The following FAM117A variants were observed in gnomAD, a reference collection of about 807,000 sequenced individuals.
The protein encoded by FAM117A is family with sequence similarity 117 member A, also known as protein FAM117A.
A neutral mutation model predicts 44.1 loss-of-function variants in FAM117A; 21 were observed. The ratio of observed to expected loss-of-function variants is 0.48; its 90% CI spans 0.34 to 0.69. FAM117A has a LOEUF of 0.69. Among genes scored for constraint, FAM117A ranks in the 30% least tolerant of loss-of-function variants. The pLI is 0.01. For synonymous variants in FAM117A, 220 were observed against 238.3 expected (o/e 0.92, Z 0.71); for missense variants, 498 against 589.9 (o/e 0.84, Z 1.61).
upstream of FAM117A, among the ~76,000 whole-genome samples, chr17:49,766,659 A>G (rs1341136348): frequency 6.6e-6 from 1 of 152,186 alleles, no homozygotes; most frequent in Non-Finnish European, 1.5e-5. Context: ...TAAATTCTCA[A>G]TCTTAGGAGA....
Position 49,781,472 on chromosome 17 carries a change from A to G in FAM117A, c.-621+7025T>C, listed in dbSNP as rs1042121028. Among the ~76,000 whole-genome samples, 37 of 152,346 alleles carry G rather than the reference A, an allele frequency of 2.4e-4. 1 individual carries two copies. The highest frequency in any genetic ancestry group is 7.7e-4 in the East Asian group (4 of 5,188). ...TTTAAGGAAAGGAAAGAAGCAATAT[A>G]TAAGTGGCAGAAATAAAAACAGGAG... On this transcript the variant is annotated intron_variant, in intron 1 of 7. Transcript: ENST00000513602.
intron 1 of FAM117A, among the ~76,000 whole-genome samples, chr17:49,757,654 G>A (rs553978281): frequency 6.6e-6 from 1 of 152,166 alleles, no homozygotes; most frequent in East Asian, 1.9e-4. Context: ...AGAAAATGGG[G>A]GCACAGATAA....
intron 2 of FAM117A, among the ~76,000 whole-genome samples, chr17:49,726,364 C>T (rs1442479450): frequency 6.6e-6 from 1 of 152,130 alleles, no homozygotes; most frequent in Non-Finnish European, 1.5e-5. Flanking sequence ...AGGCATGTGC[C>T]ACCACACCTG....
intron 1 of FAM117A, among the ~76,000 whole-genome samples, chr17:49,761,698 C>T (rs1440404792): frequency 1.3e-5 from 2 of 152,186 alleles, no homozygotes; most frequent in East Asian, 1.9e-4. Flanking sequence ...GAAAAAACCA[C>T]CTCTGGTGCT....
At chr17:49,756,692 G>T (rs2073700066) in intron 1 of FAM117A, among the ~76,000 whole-genome samples, 1 of 151,874 alleles carries the variant, frequency 6.6e-6, no homozygotes, top group African/African-American at 2.4e-5. Flanking sequence ...AAGGCAGGGG[G>T]ATCACTTGAG....
At chr17:49,786,778 GA>G (rs35017139) in intron 1 of FAM117A, among the ~76,000 whole-genome samples, 47,303 of 117,068 alleles carry the variant, frequency 0.4, 9,762 homozygotes, top group East Asian at 0.68. Flanking sequence ...CCCTGTCTCA[GA>G]AAAAAAAAAA....
chr17:49,770,593 C>A (rs1567838286), intron 1 of FAM117A, among the ~76,000 whole-genome samples: 1 of 152,090 alleles, frequency 6.6e-6, no homozygotes, highest in Non-Finnish European at 1.5e-5. Flanking sequence ...TTGCACAATT[C>A]TATAAATACA....
chr17:49,770,035 G>T (rs1341646639), intron 1 of FAM117A, among the ~76,000 whole-genome samples: 2 of 152,080 alleles, frequency 1.3e-5, no homozygotes, highest in East Asian at 3.9e-4. Context: ...ACTTTGGGAG[G>T]CCAAGGTGGG....
chr17:49,734,758 T>C (rs917135862), intron 1 of FAM117A, among the ~76,000 whole-genome samples: 5 of 152,150 alleles, frequency 3.3e-5, no homozygotes, highest in African/African-American at 1.2e-4. Flanking sequence ...TTTTTCACAA[T>C]AGCCAAAAGG....
intron 1 of FAM117A, among the ~76,000 whole-genome samples, chr17:49,786,666 A>G (rs1171113381): frequency 6.6e-6 from 1 of 151,614 alleles, no homozygotes; most frequent in Non-Finnish European, 1.5e-5. Flanking sequence ...AATCTCAGCT[A>G]CTCGGGAGGT....
At chr17:49,742,243 C>A (rs1335949930) in intron 1 of FAM117A, among the ~76,000 whole-genome samples, 1 of 152,206 alleles carries the variant, frequency 6.6e-6, no homozygotes, top group Non-Finnish European at 1.5e-5. Flanking sequence ...CCACTGAAAG[C>A]ATTTCTGGCT....
At chr17:49,743,945 G>T (rs999074434) in intron 1 of FAM117A, among the ~76,000 whole-genome samples, 9 of 150,850 alleles carry the variant, frequency 6.0e-5, no homozygotes, top group African/African-American at 2.2e-4. Flanking sequence ...AAAAAGGTTG[G>T]GGGGGGCGTC....
chr17:49,749,485 G>GCAGATC (rs1165329867), intron 1 of FAM117A, among the ~76,000 whole-genome samples: 7 of 145,236 alleles, frequency 4.8e-5, no homozygotes, highest in South Asian at 2.2e-4. Flanking sequence ...GCTGAGGCAG[G>GCAGATC]AGAATCGCCT....
At chr17:49,760,999 A>G (rs1466468925) in intron 1 of FAM117A, among the ~76,000 whole-genome samples, 1 of 152,186 alleles carries the variant, frequency 6.6e-6, no homozygotes, top group African/African-American at 2.4e-5. Context: ...TCATTTTACG[A>G]AGACATACCT....
At chr17:49,737,995 C>G (rs766921380) in intron 1 of FAM117A, among the ~76,000 whole-genome samples, 12 of 152,174 alleles carry the variant, frequency 7.9e-5, no homozygotes, top group Non-Finnish European at 2.9e-5. Flanking sequence ...CTTTTTAGCA[C>G]CTAATGGAGG....
chr17:49,764,442 G>C (rs187599273), upstream of FAM117A, among the ~76,000 whole-genome samples: 10 of 151,248 alleles, frequency 6.6e-5, no homozygotes, highest in Admixed American at 6.0e-4. Flanking sequence ...CCCAGTCCCA[G>C]GTAGTATGCA....
At chr17:49,741,689 G>A (rs1443109) in intron 1 of FAM117A, among the ~76,000 whole-genome samples, 151,726 of 152,338 alleles carry the variant, frequency 1, 75,561 homozygotes, top group Non-Finnish European at 1. Flanking sequence ...AGTAAAACAG[G>A]AATTCAGAAT....
chr17:49,744,958 G>A (rs905557232), intron 1 of FAM117A, among the ~76,000 whole-genome samples: 15 of 145,414 alleles, frequency 1.0e-4, no homozygotes, highest in Admixed American at 3.6e-4. Context: ...AAGCTGCAGT[G>A]AGCTGTGATC....
chr17:49,783,502 T>C (rs1279899284), intron 1 of FAM117A, among the ~76,000 whole-genome samples: 1 of 152,020 alleles, frequency 6.6e-6, no homozygotes, highest in East Asian at 1.9e-4. Context: ...GAGCTGTGCC[T>C]GAGCCTGCTG....
Sources: gnomAD v4.1 joint callset for allele counts (sites outside exome capture counted in the v4.1 genomes callset) on GRCh38, gnomAD v4.1.1 for gene constraint, MANE v1.5 for transcripts, NCBI Gene and HGNC (gene_info 2026-07-23, HGNC 2026-07-21) for gene names.